CPPED1: variants seen among roughly 807,000 people sequenced by gnomAD.
CPPED1 encodes calcineurin like phosphoesterase domain containing 1.
Under a neutral mutation model 28.0 loss-of-function variants are expected in CPPED1, and 28 were observed. The observed-to-expected ratio is 1.00, with a 90% CI of 0.74 to 1.37. CPPED1 has a LOEUF of 1.37. Among genes scored for constraint, CPPED1 ranks in the 40% most tolerant of loss-of-function variants. CPPED1 has a pLI of 0.00. For synonymous variants in CPPED1, 198 were observed against 180.2 expected, an observed-to-expected ratio of 1.10 and a Z score of -0.79; for missense variants, 504 against 416.5, an observed-to-expected ratio of 1.21 and a Z score of -1.83.
At chr16:12,705,267 C>T (rs1018816668) in intron 2 of CPPED1, among the ~76,000 whole-genome samples, 1 of 152,234 alleles carries the variant, frequency 6.6e-6, no homozygotes, top group Non-Finnish European at 1.5e-5. Flanking sequence ...CTTAGAAATT[C>T]CATGACTACA....
intron 3 of CPPED1, among the ~76,000 whole-genome samples, chr16:12,676,510 GC>G (rs1186134886): frequency 3.3e-5 from 5 of 152,178 alleles, no homozygotes; most frequent in Non-Finnish European, 4.4e-5. Context: ...AGGGAATGAG[GC>G]GAGGACAGGT....
At chr16:12,737,902 G>A (rs8048716) in intron 2 of CPPED1, among the ~76,000 whole-genome samples, 110 of 152,254 alleles carry the variant, frequency 7.2e-4, no homozygotes, top group African/African-American at 2.5e-3. Flanking sequence ...CTGCAAAACC[G>A]AGGAATCCGG....
chr16:12,680,658 G>A (rs1225139555), intron 3 of CPPED1, among the ~76,000 whole-genome samples: 1 of 152,122 alleles, frequency 6.6e-6, no homozygotes, highest in African/African-American at 2.4e-5. Flanking sequence ...AACTACTCCT[G>A]CTTGCTGTAT....
In CPPED1 at chr16:12,670,838, T is replaced by A. The variant is rs374641112; in HGVS notation, c.716-5723A>T. 6.6e-5 allele frequency among the ~76,000 whole-genome samples: 10 copies of A among 152,188 alleles called. No individual in the cohort carries two copies. The highest frequency in any genetic ancestry group is 2.2e-4 in the African/African-American group (9 of 41,448). ...AATGATCCATGTGTTTTTATTTTTT[T>A]AATTATTTATTTATTTTTAATATAT... is the stretch of plus-strand genomic sequence containing the variant. On this transcript the variant is annotated intron_variant, in intron 3 of 3. Coordinates refer to ENST00000381774, the MANE Select transcript of CPPED1 (RefSeq NM_018340.3). The surrounding 1 kb of genome is among the most constrained non-coding windows in gnomAD (Gnocchi z 4.2).
In CPPED1 at chr16:12,659,933, G is replaced by A. The variant is rs911060224; in HGVS notation, c.*4953C>T. On this transcript the variant is annotated 3_prime_UTR_variant, in exon 4 of 4. Coordinates refer to ENST00000381774, the MANE Select transcript of CPPED1 (RefSeq NM_018340.3). ...AACAGGAAAGAAAGAGTGTGAAGGAGCTATCAAACACAAAACCATCAGTGT... is the reference window on the plus strand; with the variant it reads ...AACAGGAAAGAAAGAGTGTGAAGGAACTATCAAACACAAAACCATCAGTGT... 5 of 152,182 alleles carry A rather than the reference G, an allele frequency of 3.3e-5. No homozygotes were observed. Among genetic ancestry groups the A allele is most frequent in the Admixed American group, 6.5e-5 (1 of 15,276 alleles). 9.4% of individuals were successfully genotyped at this position (152,182 alleles called of 1,614,324 possible). A position where few individuals can be genotyped will look rare whatever the true frequency, so the allele number is the denominator to read the frequency against.
intron 3 of CPPED1, among the ~76,000 whole-genome samples, chr16:12,667,268 T>G (rs1225432686): frequency 6.6e-6 from 1 of 152,170 alleles, no homozygotes; most frequent in Non-Finnish European, 1.5e-5. Context: ...AATTAATTAT[T>G]TAAGATTGTC....
rs187370612 is a variant in CPPED1, at chr16:12,800,658, C to T, written c.70+3049G>A. 1.0e-3 allele frequency among the ~76,000 whole-genome samples: 155 copies of T among 152,256 alleles called. 1 individual carries two copies. Among genetic ancestry groups the T allele is most frequent in the African/African-American group, 3.5e-3 (147 of 41,554 alleles). On this transcript the variant is annotated intron_variant, in intron 1 of 3. Transcript: ENST00000381774. Reference sequence around the variant, plus strand: ...GAAACCTCTTGATGCTATTAGGACACGACAAAAATCCTTAGTTACCACCAC... The same window carrying T: ...GAAACCTCTTGATGCTATTAGGACATGACAAAAATCCTTAGTTACCACCAC...
chr16:12,729,207 G>A (rs1012427590), intron 2 of CPPED1, among the ~76,000 whole-genome samples: 10 of 152,138 alleles, frequency 6.6e-5, no homozygotes, highest in African/African-American at 1.2e-4. Flanking sequence ...AAGTTCAGCT[G>A]TGCCTCCTAG....
At chr16:12,665,438 T>A (rs1309163232) in intron 3 of CPPED1, among the ~76,000 whole-genome samples, 1 of 152,184 alleles carries the variant, frequency 6.6e-6, no homozygotes, top group Non-Finnish European at 1.5e-5. Context: ...CAAAGGAGAC[T>A]GAAGAAAACA....
intron 2 of CPPED1, among the ~76,000 whole-genome samples, chr16:12,721,227 C>A (rs1033012168): frequency 2.6e-5 from 4 of 152,026 alleles, no homozygotes; most frequent in African/African-American, 9.7e-5. Flanking sequence ...CAGGCAGATA[C>A]CACGGAAACT....
chr16:12,757,040 G>A (rs1050444935), intron 2 of CPPED1, among the ~76,000 whole-genome samples: 3 of 152,140 alleles, frequency 2.0e-5, no homozygotes, highest in Admixed American at 2.0e-4. Flanking sequence ...ATAGCACCTC[G>A]AGGTGACCAA....
chr16:12,733,324 G>C (rs2080209224), intron 2 of CPPED1, among the ~76,000 whole-genome samples: 1 of 149,904 alleles, frequency 6.7e-6, no homozygotes, highest in Admixed American at 6.7e-5. Context: ...ACCCAGGCTG[G>C]AATGCAGTGG....
chr16:12,675,452 C>T (rs377483225), intron 3 of CPPED1, among the ~76,000 whole-genome samples: 54 of 152,226 alleles, frequency 3.5e-4, no homozygotes, highest in African/African-American at 1.1e-3. Context: ...GTCATGAAGA[C>T]GCTATAAAAG....
intron 2 of CPPED1, among the ~76,000 whole-genome samples, chr16:12,730,886 C>T (rs943587913): frequency 6.6e-6 from 1 of 152,148 alleles, no homozygotes; most frequent in Non-Finnish European, 1.5e-5. Context: ...CTTCACATTA[C>T]CCGCATTTTA....
At chr16:12,665,225 C>G (rs2079819246) in intron 3 of CPPED1, 110 bp from the exon 4 acceptor site, 1 of 890,364 alleles carries the variant, frequency 1.1e-6, no homozygotes, top group East Asian at 3.1e-5. Context: ...ATTATTATAC[C>G]ATCATGTAGA....
At chr16:12,799,844 T>G (rs995759713) in intron 1 of CPPED1, among the ~76,000 whole-genome samples, 9 of 152,218 alleles carry the variant, frequency 5.9e-5, no homozygotes, top group Non-Finnish European at 1.0e-4. Context: ...TCTATGGGAC[T>G]GCATGGCTCA....
In CPPED1 at chr16:12,709,926, G is replaced by A. The variant is rs2080071260; in HGVS notation, c.290-4877C>T. ...ACGGGGGGAAGGAAGGGAAGGAAGGGAAGGAAGGGAAGGAAGGGAGGAAGG... is the reference window on the plus strand; with the variant it reads ...ACGGGGGGAAGGAAGGGAAGGAAGGAAAGGAAGGGAAGGAAGGGAGGAAGG... On this transcript the variant is annotated intron_variant, in intron 2 of 3. Coordinates refer to ENST00000381774, the MANE Select transcript of CPPED1 (RefSeq NM_018340.3). This position sits in a 1 kb window ranked among gnomAD's most constrained non-coding sequence, Gnocchi z 4.4. 6.7e-6 allele frequency among the ~76,000 whole-genome samples: 1 copy of A among 148,310 alleles called. No individual in the cohort carries two copies. The highest frequency in any genetic ancestry group is 1.5e-5 in the Non-Finnish European group (1 of 67,000).
At chr16:12,742,460 G>A (rs2080261247) in intron 2 of CPPED1, among the ~76,000 whole-genome samples, 2 of 152,120 alleles carry the variant, frequency 1.3e-5, no homozygotes, top group African/African-American at 4.8e-5. Context: ...AATAGATATG[G>A]GAAAATTTAT....
At chr16:12,675,240 C>T (rs1241011265) in intron 3 of CPPED1, among the ~76,000 whole-genome samples, 4 of 152,220 alleles carry the variant, frequency 2.6e-5, no homozygotes, top group South Asian at 2.1e-4. Flanking sequence ...GGGCATCAGT[C>T]ATCTGTGGCT....
Sources: gnomAD v4.1 joint callset for allele counts (sites outside exome capture counted in the v4.1 genomes callset) on GRCh38, gnomAD v4.1.1 for gene constraint, Gnocchi (gnomAD v3.1) non-coding constraint, MANE v1.5 for transcripts, NCBI Gene and HGNC (gene_info 2026-07-23, HGNC 2026-07-21) for gene names.